The following PARD3 variants were observed in gnomAD, a reference collection of about 807,000 sequenced individuals.
The protein encoded by PARD3 is partitioning defective 3 homolog.
PARD3 carries 75 observed loss-of-function variants against 155.4 expected under a neutral mutation model. That is an observed-to-expected ratio of 0.48 (90% CI 0.40 to 0.58). The LOEUF is 0.58. Among genes scored for constraint, PARD3 ranks in the 20% least tolerant of loss-of-function variants. The probability of loss-of-function intolerance (pLI) is 0.00; values close to 1 mark genes in which losing one functional copy is unlikely to be tolerated. For missense variants in PARD3, 1,642 were observed against 1,721.7 expected (o/e 0.95, Z 0.82); for synonymous variants, 576 against 610.5 (o/e 0.94, Z 0.83).
chr10:34,124,335 C>T (rs536433601), intron 23 of PARD3, among the ~76,000 whole-genome samples: 3 of 152,318 alleles, frequency 2.0e-5, no homozygotes, highest in South Asian at 4.1e-4. Flanking sequence ...TAGCAATTCA[C>T]ATGAGCTGTG....
Position 34,384,111 on chromosome 10 carries a change from C to T in PARD3, c.1016+18G>A. 6.2e-7 allele frequency: 1 copy of T among 1,609,828 alleles called. No homozygotes were observed. Among genetic ancestry groups the T allele is most frequent in the East Asian group, 2.2e-5 (1 of 44,810 alleles). ...CCTAATGCAAGTAAGAACAGAAGTGCAGCGAGCACACACTTACTGTTCAAA... is the reference window on the plus strand; with the variant it reads ...CCTAATGCAAGTAAGAACAGAAGTGTAGCGAGCACACACTTACTGTTCAAA... On this transcript the variant is annotated intron_variant, in intron 8 of 24. Transcript: ENST00000374788.
chr10:34,120,891 A>C (rs566960613), intron 23 of PARD3, among the ~76,000 whole-genome samples: 2 of 152,234 alleles, frequency 1.3e-5, no homozygotes, highest in Non-Finnish European at 2.9e-5. Flanking sequence ...CCCTGTCTCC[A>C]CAAAAAAATT....
intron 2 of PARD3, among the ~76,000 whole-genome samples, chr10:34,517,628 A>G (rs2081867745): frequency 6.6e-6 from 1 of 151,790 alleles, no homozygotes; most frequent in African/African-American, 2.4e-5. Flanking sequence ...TGCTAAAGAC[A>G]AACCTGTCAT....
At chr10:34,473,770 G>A (rs1314142639) in intron 3 of PARD3, among the ~76,000 whole-genome samples, 1 of 152,186 alleles carries the variant, frequency 6.6e-6, no homozygotes, top group Non-Finnish European at 1.5e-5. Context: ...TAATGTCCCA[G>A]TTACTACTCC....
intron 1 of PARD3, among the ~76,000 whole-genome samples, chr10:34,789,256 G>A (rs759409361): frequency 3.3e-5 from 5 of 151,920 alleles, no homozygotes; most frequent in African/African-American, 7.3e-5. Flanking sequence ...GAATTGTGCC[G>A]CAGCACTCCA....
At chr10:34,514,125 T>C (rs1480789012) in intron 3 of PARD3, among the ~76,000 whole-genome samples, 8 of 152,274 alleles carry the variant, frequency 5.3e-5, no homozygotes, top group African/African-American at 1.2e-4. Context: ...CATTTTTCTA[T>C]GGAAAAAAAT....
intron 1 of PARD3, among the ~76,000 whole-genome samples, chr10:34,813,658 A>C (rs1298175680): frequency 6.6e-6 from 1 of 152,242 alleles, no homozygotes; most frequent in African/African-American, 2.4e-5. Flanking sequence ...AAAGCAAAAC[A>C]AAAGTCTAAA....
chr10:34,572,226 G>A (rs1476758188), intron 2 of PARD3, among the ~76,000 whole-genome samples: 1 of 152,158 alleles, frequency 6.6e-6, no homozygotes, highest in East Asian at 1.9e-4. Context: ...AGCACAATGA[G>A]GCTGGGGAAG....
intron 12 of PARD3, among the ~76,000 whole-genome samples, chr10:34,368,994 C>T (rs887338957): frequency 2.0e-5 from 3 of 151,502 alleles, no homozygotes; most frequent in African/African-American, 7.3e-5. Context: ...ACTGTATTAC[C>T]TGAAACTATA....
Position 34,382,733 on chromosome 10 carries a change from C to T in PARD3, c.1206G>A (p.Val402=), listed in dbSNP as rs763242262. ...RSVNSAGLHT[V]QRAPRLNHPP... is the part of the protein sequence containing the mutation. The stretch of plus-strand genomic sequence containing the variant: ...GGTGGTTCAGTCGGGGTGCTCTCTG[C>T]ACCGTGTGAAGCCCTGCACTGTTCA... Residue 402 remains valine, a synonymous_variant, in exon 9 of 25, where the codon GTG becomes GTA. Transcript: ENST00000374788. 3.1e-6 allele frequency: 5 copies of T among 1,614,190 alleles called. No individual in the cohort carries two copies. The highest frequency in any genetic ancestry group is 1.1e-5 in the South Asian group (1 of 91,086).
At chr10:34,347,914 C>T (rs1837598985) in intron 15 of PARD3, 51 bp downstream of exon 15, 1 of 1,490,158 alleles carries the variant, frequency 6.7e-7, no homozygotes, top group African/African-American at 1.4e-5. Flanking sequence ...CTCAGTAAAC[C>T]AATGAAAGCA....
At chr10:34,320,557 C>T (rs1958310386) in intron 19 of PARD3, among the ~76,000 whole-genome samples, 1 of 152,178 alleles carries the variant, frequency 6.6e-6, no homozygotes, top group African/African-American at 2.4e-5. Flanking sequence ...CGGCTCTTGG[C>T]TTGGGAACAG....
intron 2 of PARD3, among the ~76,000 whole-genome samples, chr10:34,643,744 C>G (rs1389700445): frequency 6.6e-6 from 1 of 152,034 alleles, no homozygotes; most frequent in Non-Finnish European, 1.5e-5. Flanking sequence ...AGTGAGACTC[C>G]ATCTCTACCA....
intron 2 of PARD3, among the ~76,000 whole-genome samples, chr10:34,534,416 G>A (rs919451732): frequency 2.0e-5 from 3 of 152,092 alleles, no homozygotes; most frequent in South Asian, 4.2e-4. Flanking sequence ...AAATTTGAGG[G>A]GGCAGCCCTG....
chr10:34,368,515 A>G (rs1175943412), intron 12 of PARD3, among the ~76,000 whole-genome samples: 1 of 152,052 alleles, frequency 6.6e-6, no homozygotes, highest in Non-Finnish European at 1.5e-5. Context: ...TACTAAAAAT[A>G]CAAAAAATTA....
intron 1 of PARD3, among the ~76,000 whole-genome samples, chr10:34,717,720 G>A (rs1456925824): frequency 1.3e-5 from 2 of 152,294 alleles, no homozygotes; most frequent in African/African-American, 4.8e-5. Context: ...TACTCTGACA[G>A]CAGCTGGGGA....
chr10:34,803,764 T>C (rs981732155), intron 1 of PARD3, among the ~76,000 whole-genome samples: 4 of 151,112 alleles, frequency 2.6e-5, no homozygotes, highest in South Asian at 4.2e-4. Context: ...GATCGCGCCA[T>C]TGCACTCCAG....
intron 2 of PARD3, among the ~76,000 whole-genome samples, chr10:34,557,212 T>C (rs2085075001): frequency 6.6e-6 from 1 of 152,196 alleles, no homozygotes; most frequent in African/African-American, 2.4e-5. Context: ...TATGTTGGTT[T>C]TGAGGAGAAA....
intron 2 of PARD3, among the ~76,000 whole-genome samples, chr10:34,553,814 C>T (rs1446868908): frequency 6.6e-6 from 1 of 152,114 alleles, no homozygotes; most frequent in African/African-American, 2.4e-5. Context: ...GACACTTAAC[C>T]CAACCTTACA....
Sources: gnomAD v4.1 joint callset for allele counts (sites outside exome capture counted in the v4.1 genomes callset) on GRCh38, gnomAD v4.1.1 for gene constraint, MANE v1.5 for transcripts, NCBI Gene and HGNC (gene_info 2026-07-23, HGNC 2026-07-21) for gene names.